COL4A5: variants seen among roughly 807,000 people sequenced by gnomAD.
COL4A5 encodes collagen type IV alpha 5 chain.
Under a neutral mutation model 130.2 loss-of-function variants are expected in COL4A5, and 26 were observed. That is an observed-to-expected ratio of 0.20 (90% confidence interval 0.15 to 0.28). The LOEUF (loss-of-function observed/expected upper bound fraction) is 0.28. Ranked by LOEUF, COL4A5 falls within the 10% of genes least tolerant of loss-of-function variation. COL4A5 has a pLI of 1.00. For missense variants in COL4A5, 1,131 were observed against 1,344.3 expected (o/e 0.84, Z 2.48); for synonymous variants, 496 against 439.6 (o/e 1.13, Z -1.60).
intron 29 of COL4A5, among the ~76,000 whole-genome samples, chrX:108,613,455 C>T (rs923851854): frequency 9.0e-6 from 1 of 111,525 alleles, no homozygotes; most frequent in Non-Finnish European, 1.9e-5. Context: ...ACCAAAAAGA[C>T]AATTCATAAA....
Position 108,440,103 on chromosome X carries a change from G to A in COL4A5, c.-23G>A. ...CCGGGAATTTCGTGCGGGTGCTGAA[G>A]GAGCTGCGGGAGCCGGAGAAGAATG... On this transcript the variant is annotated 5_prime_UTR_variant, in exon 1 of 53. Coordinates refer to ENST00000328300, the MANE Select transcript of COL4A5 (RefSeq NM_033380.3). 8.5e-7 allele frequency: 1 copy of A among 1,179,812 alleles called. No homozygotes were observed. Among genetic ancestry groups the A allele is most frequent in the Non-Finnish European group, 1.2e-6 (1 of 868,469 alleles).
chrX:108,687,495 G>A lies in COL4A5; in HGVS notation c.4329G>A (p.Leu1443=). The change falls in exon 49 of 53, where the codon TTG becomes TTA. Residue 1443 remains leucine (L), a synonymous_variant. Transcript: ENST00000328300. ...TCGTGGAAATAGGTACCCGTGGTTTGGATGGTCCCCCTGGTCCAGATGGAT... is the reference window on the plus strand; with the variant it reads ...TCGTGGAAATAGGTACCCGTGGTTTAGATGGTCCCCCTGGTCCAGATGGAT... ...GLPGQPGTRG[L]DGPPGPDGLQ... The A allele has an allele frequency of 8.3e-7, 1 of 1,210,783 alleles. No homozygotes were observed. The highest frequency in any genetic ancestry group is 1.1e-6 in the Non-Finnish European group (1 of 894,738).
chrX:108,662,066 C>T (rs1462716789), intron 37 of COL4A5, among the ~76,000 whole-genome samples: 2 of 65,705 alleles, frequency 3.0e-5, no homozygotes, highest in South Asian at 1.6e-3. Flanking sequence ...AACGCTATCC[C>T]TCCCCCCTCC....
At chrX:108,594,084 A>G (rs1450996674) in intron 21 of COL4A5, among the ~76,000 whole-genome samples, 1 of 111,821 alleles carries the variant, frequency 8.9e-6, no homozygotes, top group Non-Finnish European at 1.9e-5. Flanking sequence ...CATCCTGATC[A>G]AATTGAAGTC....
intron 1 of COL4A5, among the ~76,000 whole-genome samples, chrX:108,456,574 T>C (rs1198179012): frequency 9.0e-6 from 1 of 111,683 alleles, no homozygotes; most frequent in Non-Finnish European, 1.9e-5. Flanking sequence ...CTTATTGCAC[T>C]GGCTAGGACC....
At chrX:108,666,935 G>A (rs1488727143) in intron 39 of COL4A5, among the ~76,000 whole-genome samples, 198 bp from the exon 40 acceptor site, 3 of 110,960 alleles carry the variant, frequency 2.7e-5, no homozygotes, top group African/African-American at 9.8e-5. Flanking sequence ...AACATTCATC[G>A]GAAATAGAAT....
At chrX:108,561,533 A>G (rs2065899789) in intron 3 of COL4A5, among the ~76,000 whole-genome samples, 1 of 108,128 alleles carries the variant, frequency 9.2e-6, no homozygotes. Context: ...TTTTTTAATG[A>G]CTCTTTTGGC....
At chrX:108,638,880 A>C (rs988454321) in intron 36 of COL4A5, among the ~76,000 whole-genome samples, 1 of 111,898 alleles carries the variant, frequency 8.9e-6, no homozygotes, top group Non-Finnish European at 1.9e-5. Context: ...AAGGTGGAAG[A>C]CTTGTGCTCT....
At chrX:108,550,402 A>G (rs183385919) in intron 2 of COL4A5, among the ~76,000 whole-genome samples, 3 of 112,356 alleles carry the variant, frequency 2.7e-5, no homozygotes, top group African/African-American at 9.7e-5. Flanking sequence ...GACTCACTAT[A>G]TTAAAGACCA....
chrX:108,600,541 C>T (rs1020884013), intron 25 of COL4A5, among the ~76,000 whole-genome samples: 2 of 111,023 alleles, frequency 1.8e-5, no homozygotes, highest in Admixed American at 1.9e-4. Flanking sequence ...ATTTTTAATG[C>T]TCTTTTGGCC....
At chrX:108,505,625 G>A (rs1246591856) in intron 1 of COL4A5, among the ~76,000 whole-genome samples, 1 of 111,771 alleles carries the variant, frequency 8.9e-6, no homozygotes, top group Non-Finnish European at 1.9e-5. Flanking sequence ...TCCCTGCCAT[G>A]TAAAGACGCA....
At chrX:108,589,366 T>C (rs1338774703) in intron 19 of COL4A5, among the ~76,000 whole-genome samples, 1 of 110,272 alleles carries the variant, frequency 9.1e-6, no homozygotes, top group Non-Finnish European at 1.9e-5. Flanking sequence ...TAAGTTAAGA[T>C]GGGGGCAAAA....
intron 37 of COL4A5, among the ~76,000 whole-genome samples, chrX:108,659,601 A>G (rs1371891531): frequency 9.1e-6 from 1 of 110,378 alleles, no homozygotes; most frequent in African/African-American, 3.3e-5. Flanking sequence ...AATTCAGGAA[A>G]CGTATGTCTT....
intron 2 of COL4A5, among the ~76,000 whole-genome samples, chrX:108,541,653 A>C (rs768305739): frequency 5.8e-4 from 65 of 112,023 alleles, no homozygotes; most frequent in African/African-American, 2.0e-3. Context: ...TTGCTTATAG[A>C]TTCCATCCAA....
intron 1 of COL4A5, among the ~76,000 whole-genome samples, chrX:108,507,678 T>G (rs2065139814): frequency 9.0e-6 from 1 of 111,086 alleles, no homozygotes; most frequent in African/African-American, 3.3e-5. Flanking sequence ...CATGGCAGCA[T>G]GCACCTGTAG....
intron 1 of COL4A5, among the ~76,000 whole-genome samples, chrX:108,494,006 C>G (rs140249105): frequency 0.031 from 3,431 of 111,127 alleles, 120 homozygotes; most frequent in African/African-American, 0.11. Context: ...GCCTGATGCA[C>G]AGAAAATGAT....
intron 43 of COL4A5, among the ~76,000 whole-genome samples, chrX:108,676,131 T>C (rs1482615110): frequency 5.3e-5 from 6 of 112,197 alleles, no homozygotes; most frequent in Non-Finnish European, 1.1e-4. Flanking sequence ...GTCTGAATTT[T>C]ATTTTAGGTT....
intron 37 of COL4A5, among the ~76,000 whole-genome samples, chrX:108,662,282 G>A (rs1015844133): frequency 2.7e-5 from 3 of 110,061 alleles, no homozygotes; most frequent in Non-Finnish European, 3.8e-5. Flanking sequence ...GCAAACTATC[G>A]CAAGGACAAA....
chrX:108,561,644 T>G (rs999340499), intron 3 of COL4A5, among the ~76,000 whole-genome samples: 1 of 111,093 alleles, frequency 9.0e-6, no homozygotes, highest in Non-Finnish European at 1.9e-5. Context: ...CTTAAAACCC[T>G]TTTTCTTAAT....
Sources: allele counts gnomAD v4.1 joint callset (sites outside exome capture counted in the v4.1 genomes callset), GRCh38; gene constraint gnomAD v4.1.1; transcripts MANE v1.5; gene names NCBI Gene and HGNC (gene_info 2026-07-23, HGNC 2026-07-21).